The following ATP6V1H variants were observed in gnomAD, a reference collection of about 807,000 sequenced individuals.
ATP6V1H encodes ATPase H+ transporting V1 subunit H.
ATP6V1H carries 39 observed loss-of-function variants against 71.7 expected under a neutral mutation model. The observed-to-expected ratio is 0.54, with a 90% CI of 0.42 to 0.71. ATP6V1H has a LOEUF of 0.71. ATP6V1H is among the 30% of genes least tolerant of loss of function. The pLI, the probability that ATP6V1H is intolerant of heterozygous loss-of-function variation, is 0.00. For missense variants in ATP6V1H, 509 were observed against 594.9 expected (o/e 0.86, Z 1.50); for synonymous variants, 192 against 199.3 (o/e 0.96, Z 0.31).
intron 4 of ATP6V1H, among the ~76,000 whole-genome samples, chr8:53,818,613 G>A (rs1810531258): frequency 6.6e-6 from 1 of 152,124 alleles, no homozygotes; most frequent in Admixed American, 6.5e-5. Flanking sequence ...GAGGTATCCA[G>A]GTTACAGACC....
At chr8:53,728,424 G>T (rs557981424) in intron 13 of ATP6V1H, among the ~76,000 whole-genome samples, 1 of 152,360 alleles carries the variant, frequency 6.6e-6, no homozygotes, top group East Asian at 1.9e-4. Context: ...ATTTTACACT[G>T]ATTACTCGTT....
chr8:53,781,460 G>A (rs1172974757), intron 9 of ATP6V1H, among the ~76,000 whole-genome samples: 1 of 152,106 alleles, frequency 6.6e-6, no homozygotes, highest in Non-Finnish European at 1.5e-5. Flanking sequence ...AGATGAGTAG[G>A]TTGCAAAAAT....
At chr8:53,730,597 G>T (rs1047979171) in intron 13 of ATP6V1H, among the ~76,000 whole-genome samples, 1 of 152,112 alleles carries the variant, frequency 6.6e-6, no homozygotes, top group Non-Finnish European at 1.5e-5. Context: ...TACCTCTGAG[G>T]AGATCTGTGC....
At chr8:53,754,060 G>A (rs749059118) in intron 12 of ATP6V1H, among the ~76,000 whole-genome samples, 11 of 152,132 alleles carry the variant, frequency 7.2e-5, no homozygotes, top group African/African-American at 1.4e-4. Flanking sequence ...TGCACACTGC[G>A]CATAAGAGGA....
chr8:53,793,720 C>T (rs1328527941), intron 9 of ATP6V1H, among the ~76,000 whole-genome samples: 1 of 152,032 alleles, frequency 6.6e-6, no homozygotes, highest in Non-Finnish European at 1.5e-5. Context: ...AGGTGGATCA[C>T]TTGAGGTCAG....
At chr8:53,789,648 T>C (rs1224688056) in intron 9 of ATP6V1H, among the ~76,000 whole-genome samples, 1 of 152,116 alleles carries the variant, frequency 6.6e-6, no homozygotes, top group Non-Finnish European at 1.5e-5. Flanking sequence ...AATAAGACCC[T>C]GACTTCTATT....
intron 2 of ATP6V1H, among the ~76,000 whole-genome samples, chr8:53,838,481 C>A (rs1339492247): frequency 6.6e-6 from 1 of 152,118 alleles, no homozygotes; most frequent in Admixed American, 6.5e-5. Flanking sequence ...TTTATTTGCT[C>A]CCACTTTTTG....
intron 11 of ATP6V1H, among the ~76,000 whole-genome samples, chr8:53,763,713 G>A (rs889970262): frequency 6.6e-6 from 1 of 152,060 alleles, no homozygotes; most frequent in African/African-American, 2.4e-5. Context: ...AAAAAAAAAT[G>A]CTGAACAAAA....
At chr8:53,832,209 T>C (rs1003935986) in intron 3 of ATP6V1H, 1 of 152,202 alleles carries the variant, frequency 6.6e-6, no homozygotes, top group African/African-American at 2.4e-5. Flanking sequence ...TAGAAATAAG[T>C]GTATAAGTTA....
intron 3 of ATP6V1H, among the ~76,000 whole-genome samples, chr8:53,831,530 C>A (rs1563313940): frequency 6.6e-6 from 1 of 152,202 alleles, no homozygotes; most frequent in African/African-American, 2.4e-5. Context: ...CAAAAACCAT[C>A]TGAAAATGTG....
intron 13 of ATP6V1H, among the ~76,000 whole-genome samples, chr8:53,740,161 CCT>C (rs1807362319): frequency 1.3e-5 from 2 of 152,268 alleles, no homozygotes; most frequent in Admixed American, 6.5e-5. Flanking sequence ...ATATTTAACT[CCT>C]TATAACAGAA....
chr8:53,725,266 G>A (rs1027042148), intron 13 of ATP6V1H, among the ~76,000 whole-genome samples: 5 of 152,066 alleles, frequency 3.3e-5, no homozygotes, highest in Non-Finnish European at 5.9e-5. Context: ...TAGCATGAGC[G>A]GGCACTCAGC....
intron 8 of ATP6V1H, among the ~76,000 whole-genome samples, chr8:53,797,330 C>T (rs1043450889): frequency 2.1e-4 from 32 of 152,212 alleles, no homozygotes; most frequent in African/African-American, 5.8e-4. Flanking sequence ...TCCTTCAACC[C>T]GGCAGCAGCA....
chr8:53,772,113 T>C lies in ATP6V1H; in HGVS notation c.925A>G (p.Met309Val), dbSNP rs553224435. 8.1e-6 allele frequency: 13 copies of C among 1,614,044 alleles called. No homozygotes were observed. The highest frequency in any genetic ancestry group is 4.5e-5 in the East Asian group (2 of 44,880). Residue 309 changes from methionine (M) to valine (V), a missense_variant, in exon 10 of 14, where the codon ATG becomes GTG. Met to Val is a conservative substitution (Grantham distance 21). This residue lies in a region of ATP6V1H where 212 missense variants were observed against 291.6 expected (regional missense o/e 0.73). Transcript: ENST00000359530. ...TGTTTCAGAACTTTGCACTGAATCA[T>C]AGCCAGGGCATATTCTTGGCGAGTT... is the stretch of plus-strand genomic sequence containing the variant. ...RETRQEYALA[M>V]IQCKVLKQLE...
Position 53,837,143 on chromosome 8 carries a change from T to TAA in ATP6V1H, c.114-4059_114-4058dup, listed in dbSNP as rs879911885. Among the ~76,000 whole-genome samples the TAA allele has an allele frequency of 4.7e-3, 648 of 138,550 alleles. 4 individuals are homozygous for TAA. The highest frequency in any genetic ancestry group is 0.016 in the African/African-American group (612 of 37,676). 90.9% of individuals were successfully genotyped at this position (138,550 alleles called of 152,430 possible). A position where few individuals can be genotyped will look rare whatever the true frequency, so the allele number is the denominator to read the frequency against. On this transcript the variant is annotated intron_variant, in intron 2 of 13. Coordinates refer to ENST00000359530, the MANE Select transcript of ATP6V1H (RefSeq NM_015941.4). ...GCGACAAGAGTGAAACTCCATCTCATAAAAAAAAAAAAGAGAGAGTGAATA... is the reference window on the plus strand; with the variant it reads ...GCGACAAGAGTGAAACTCCATCTCATAAAAAAAAAAAAAAGAGAGAGTGAATA...
At chr8:53,758,261 A>T (rs1808143232) in intron 11 of ATP6V1H, among the ~76,000 whole-genome samples, 1 of 152,210 alleles carries the variant, frequency 6.6e-6, no homozygotes, top group Non-Finnish European at 1.5e-5. Context: ...AAATATTAAG[A>T]AATTTTATGA....
intron 12 of ATP6V1H, among the ~76,000 whole-genome samples, chr8:53,745,731 C>CA (rs879465903): frequency 2.0e-3 from 281 of 139,208 alleles, no homozygotes; most frequent in Middle Eastern, 7.5e-3. Flanking sequence ...CACAAAAATG[C>CA]AAAAAAAAAA....
rs187894908 is a variant in ATP6V1H at position 53,820,851 on chromosome 8, A to G, written c.307-3321T>C. 2.2e-3 allele frequency among the ~76,000 whole-genome samples: 341 copies of G among 151,782 alleles called. 2 individuals are homozygous for G. Among genetic ancestry groups the G allele is most frequent in the African/African-American group, 7.8e-3 (325 of 41,440 alleles). On this transcript the variant is annotated intron_variant, in intron 4 of 13. Transcript: ENST00000359530. ...ACAAAAATTAGCCAGGCGTGGTAGC[A>G]CACGCTTGTAATCCCACTACTCAGG...
At chr8:53,762,000 C>A (rs1808288035) in intron 11 of ATP6V1H, among the ~76,000 whole-genome samples, 1 of 152,170 alleles carries the variant, frequency 6.6e-6, no homozygotes, top group Admixed American at 6.5e-5. Flanking sequence ...ATTTACAACA[C>A]AGAACTATTT....
Sources: allele counts gnomAD v4.1 joint callset (sites outside exome capture counted in the v4.1 genomes callset), GRCh38; gene constraint gnomAD v4.1.1; regional missense constraint gnomAD v4.1.1; transcripts MANE v1.5; gene names NCBI Gene and HGNC (gene_info 2026-07-23, HGNC 2026-07-21).